Variants in AFAP1 observed in about 807,000 individuals in gnomAD.
AFAP1 encodes actin filament associated protein 1.
Under a neutral mutation model 93.9 loss-of-function variants are expected in AFAP1, and 75 were observed. The observed-to-expected ratio is 0.80, with a 90% CI of 0.66 to 0.97. AFAP1 has a LOEUF of 0.97. Ranked by LOEUF, AFAP1 falls within the 50% of genes least tolerant of loss-of-function variation. The pLI is 0.00. For missense variants in AFAP1, 1,201 were observed against 1,050.8 expected, an observed-to-expected ratio of 1.14 and a Z score of -1.98; for synonymous variants, 517 against 430.7, an observed-to-expected ratio of 1.20 and a Z score of -2.48.
At chr4:7,931,264 T>C (rs1196355578) in intron 1 of AFAP1, among the ~76,000 whole-genome samples, 1 of 152,206 alleles carries the variant, frequency 6.6e-6, no homozygotes, top group Non-Finnish European at 1.5e-5. Context: ...CTGGGTTTTG[T>C]TCTAAGCCTT....
intron 4 of AFAP1, among the ~76,000 whole-genome samples, chr4:7,852,291 C>T (rs1167558343): frequency 1.3e-5 from 2 of 152,158 alleles, no homozygotes; most frequent in African/African-American, 4.8e-5. Flanking sequence ...CTTTCCTTCC[C>T]TAAAATGCTG....
chr4:7,767,655 G>A (rs1173745886), intron 17 of AFAP1, among the ~76,000 whole-genome samples: 1 of 152,150 alleles, frequency 6.6e-6, no homozygotes, highest in East Asian at 1.9e-4. Flanking sequence ...GTTCTGGGAG[G>A]CTGGGGACAA....
At chr4:7,851,772 C>A (rs1435502106) in intron 4 of AFAP1, among the ~76,000 whole-genome samples, 1 of 152,190 alleles carries the variant, frequency 6.6e-6, no homozygotes, top group Admixed American at 6.5e-5. Context: ...ACCTCCTTAC[C>A]CCATCCCCAC....
chr4:7,855,377 G>A (rs1206407464), intron 4 of AFAP1, 89 bp downstream of exon 4: 1 of 1,019,412 alleles, frequency 9.8e-7, no homozygotes, highest in Non-Finnish European at 1.5e-6. Flanking sequence ...ATAATACCCT[G>A]TTGCCCTTCC....
intron 1 of AFAP1, among the ~76,000 whole-genome samples, chr4:7,888,801 T>G (rs1577336350): frequency 6.6e-6 from 1 of 152,116 alleles, no homozygotes; most frequent in East Asian, 1.9e-4. Context: ...TTGTTGTTGT[T>G]GTTTTTTGAA....
At chr4:7,928,670 G>A (rs1380707596) in intron 1 of AFAP1, among the ~76,000 whole-genome samples, 4 of 152,220 alleles carry the variant, frequency 2.6e-5, no homozygotes, top group Non-Finnish European at 4.4e-5. Flanking sequence ...ACAGGCGTGA[G>A]CCACCACGCC....
intron 11 of AFAP1, among the ~76,000 whole-genome samples, chr4:7,789,253 GAAGT>G (rs1717606656): frequency 2.0e-5 from 3 of 152,278 alleles, no homozygotes; most frequent in South Asian, 4.1e-4. Context: ...AAGTGGAAAT[GAAGT>G]AAGAGGCCAC....
chr4:7,911,598 C>T (rs1441292279), intron 1 of AFAP1, among the ~76,000 whole-genome samples: 2 of 152,244 alleles, frequency 1.3e-5, no homozygotes, highest in Non-Finnish European at 2.9e-5. Context: ...TATGCTTCCT[C>T]ATCTCCATTT....
At chr4:7,819,544 C>A (rs1439016777) in intron 6 of AFAP1, among the ~76,000 whole-genome samples, 1 of 152,136 alleles carries the variant, frequency 6.6e-6, no homozygotes, top group Non-Finnish European at 1.5e-5. Context: ...TACTTTAGAT[C>A]AAGAGACCAG....
intron 1 of AFAP1, among the ~76,000 whole-genome samples, chr4:7,933,048 G>A (rs967126505): frequency 6.7e-6 from 1 of 148,932 alleles, no homozygotes; most frequent in South Asian, 2.1e-4. Context: ...AAAGGGGGGG[G>A]ATCTTCACGT....
chr4:7,783,759 C>T (rs558907415), intron 12 of AFAP1, among the ~76,000 whole-genome samples: 4 of 152,308 alleles, frequency 2.6e-5, no homozygotes, highest in Non-Finnish European at 4.4e-5. Context: ...TGGATGATCA[C>T]GTGTGTGGTT....
At chr4:7,899,696 C>T (rs4296663) in intron 1 of AFAP1, among the ~76,000 whole-genome samples, 19,247 of 152,110 alleles carry the variant, frequency 0.13, 1,400 homozygotes, top group Non-Finnish European at 0.17. Context: ...CCAGCTCTGA[C>T]AGTCTTGAAC....
chr4:7,851,674 G>T (rs370812443), intron 4 of AFAP1, among the ~76,000 whole-genome samples: 1 of 152,288 alleles, frequency 6.6e-6, no homozygotes, highest in African/African-American at 2.4e-5. Context: ...GGTTATGCAT[G>T]AACTCAGCAA....
intron 1 of AFAP1, among the ~76,000 whole-genome samples, chr4:7,930,509 C>G (rs1486300616): frequency 6.6e-6 from 1 of 152,140 alleles, no homozygotes; most frequent in Non-Finnish European, 1.5e-5. Context: ...GGCAACCAGC[C>G]CTAATCCTGA....
chr4:7,917,209 TA>T (rs1314360589), intron 1 of AFAP1, among the ~76,000 whole-genome samples: 1 of 152,204 alleles, frequency 6.6e-6, no homozygotes, highest in African/African-American at 2.4e-5. Flanking sequence ...GAGTTATCTT[TA>T]GCTATCATTA....
At chr4:7,930,984 T>G (rs1182971679) in intron 1 of AFAP1, among the ~76,000 whole-genome samples, 1 of 152,200 alleles carries the variant, frequency 6.6e-6, no homozygotes, top group Non-Finnish European at 1.5e-5. Context: ...ACTCCTGGCC[T>G]CAAGTGATCT....
At chr4:7,916,655 C>T (rs148666078) in intron 1 of AFAP1, among the ~76,000 whole-genome samples, 175 of 152,318 alleles carry the variant, frequency 1.1e-3, no homozygotes, top group African/African-American at 3.8e-3. Flanking sequence ...TTCCAGACCA[C>T]ACCTCCAGGC....
intron 8 of AFAP1, among the ~76,000 whole-genome samples, chr4:7,815,508 G>C (rs893159845): frequency 2.0e-5 from 3 of 152,008 alleles, no homozygotes; most frequent in African/African-American, 7.3e-5. Flanking sequence ...CTCAGAAATC[G>C]GCAGGTCTGG....
At chr4:7,811,554 G>A (rs571050595) in intron 8 of AFAP1, among the ~76,000 whole-genome samples, 15 of 152,178 alleles carry the variant, frequency 9.9e-5, no homozygotes, top group Non-Finnish European at 1.0e-4. Flanking sequence ...ACGCTAGGGC[G>A]GCAGAACATA....
Sources: allele counts gnomAD v4.1 joint callset (sites outside exome capture counted in the v4.1 genomes callset), GRCh38; gene constraint gnomAD v4.1.1; transcripts MANE v1.5; gene names NCBI Gene and HGNC (gene_info 2026-07-23, HGNC 2026-07-21).